STXBP5L: variants seen among roughly 807,000 people sequenced by gnomAD.
STXBP5L encodes the protein syntaxin-binding protein 5-like.
A neutral mutation model predicts 144.5 loss-of-function variants in STXBP5L; 65 were observed. The ratio of observed to expected loss-of-function variants is 0.45; its 90% CI spans 0.37 to 0.55. STXBP5L has a LOEUF of 0.55. Among genes scored for constraint, STXBP5L ranks in the 20% least tolerant of loss-of-function variants. The probability of loss-of-function intolerance (pLI) is 0.00; values close to 1 mark genes in which losing one functional copy is unlikely to be tolerated. For missense variants in STXBP5L, 1,298 were observed against 1,405.5 expected, an observed-to-expected ratio of 0.92 and a Z score of 1.22; for synonymous variants, 505 against 469.6, an observed-to-expected ratio of 1.08 and a Z score of -0.97.
At chr3:121,124,087 A>C (rs2044597927) in intron 7 of STXBP5L, among the ~76,000 whole-genome samples, 1 of 151,920 alleles carries the variant, frequency 6.6e-6, no homozygotes, top group Non-Finnish European at 1.5e-5. Context: ...TTTATTGTAT[A>C]GTGAATCTAT....
chr3:120,988,238 A>G (rs1942494304), intron 3 of STXBP5L, among the ~76,000 whole-genome samples: 2 of 150,898 alleles, frequency 1.3e-5, no homozygotes, highest in Non-Finnish European at 3.0e-5. Flanking sequence ...GTCTTTTGTA[A>G]GGTTTTACTA....
chr3:120,985,287 GC>G (rs1414532374), intron 3 of STXBP5L, among the ~76,000 whole-genome samples: 1 of 151,922 alleles, frequency 6.6e-6, no homozygotes, highest in Non-Finnish European at 1.5e-5. Context: ...AGCCATGGGG[GC>G]TTTTCTTTGT....
chr3:121,064,303 A>C (rs114656572), intron 5 of STXBP5L, among the ~76,000 whole-genome samples: 15,072 of 152,176 alleles, frequency 0.099, 1,156 homozygotes, highest in Admixed American at 0.2. Flanking sequence ...GGTCTGCACC[A>C]ACTATCTAAC....
At chr3:120,997,106 G>A (rs144651988) in intron 3 of STXBP5L, among the ~76,000 whole-genome samples, 17 of 151,090 alleles carry the variant, frequency 1.1e-4, no homozygotes, top group South Asian at 2.1e-4. Context: ...CTCCATCCAT[G>A]TTACTGCAAA....
chr3:121,040,540 ATTCC>A (rs1225247357), intron 3 of STXBP5L, among the ~76,000 whole-genome samples: 30 of 150,282 alleles, frequency 2.0e-4, no homozygotes, highest in Non-Finnish European at 1.0e-4. Flanking sequence ...CTTCAAACTT[ATTCC>A]TTCCTTAGTA....
At chr3:120,979,230 C>T (rs550074309) in intron 3 of STXBP5L, among the ~76,000 whole-genome samples, 21 of 152,338 alleles carry the variant, frequency 1.4e-4, no homozygotes, top group African/African-American at 4.8e-4. Context: ...GCTTTGTTTA[C>T]CTAAGCAAGC....
chr3:120,991,101 C>T (rs908845331), intron 3 of STXBP5L, among the ~76,000 whole-genome samples: 7 of 151,956 alleles, frequency 4.6e-5, no homozygotes, highest in Non-Finnish European at 8.8e-5. Flanking sequence ...GGCTAATATC[C>T]AGAATCTACA....
chr3:121,263,528 T>C (rs539425798), intron 18 of STXBP5L, among the ~76,000 whole-genome samples: 15 of 152,188 alleles, frequency 9.9e-5, no homozygotes, highest in African/African-American at 2.9e-4. Context: ...TCCTCTGAGC[T>C]AAAGGAGCAT....
intron 3 of STXBP5L, among the ~76,000 whole-genome samples, chr3:121,031,234 G>A (rs1249653062): frequency 6.6e-6 from 1 of 152,032 alleles, no homozygotes; most frequent in South Asian, 2.1e-4. Context: ...AGATGACTGA[G>A]GATGCATTGT....
chr3:121,121,585 G>A (rs901008590), intron 6 of STXBP5L, 56 bp from the exon 7 acceptor site: 7 of 1,257,048 alleles, frequency 5.6e-6, no homozygotes, highest in Middle Eastern at 1.9e-4. Flanking sequence ...TCAGTCTCTA[G>A]TGGTAAGGTA....
intron 9 of STXBP5L, among the ~76,000 whole-genome samples, chr3:121,197,537 G>A (rs1472427869): frequency 6.6e-6 from 1 of 152,036 alleles, no homozygotes; most frequent in African/African-American, 2.4e-5. Context: ...GGCAGAATGT[G>A]TAGGTTTGTT....
At chr3:121,324,134 T>C (rs997567116) in intron 20 of STXBP5L, among the ~76,000 whole-genome samples, 1 of 152,164 alleles carries the variant, frequency 6.6e-6, no homozygotes, top group African/African-American at 2.4e-5. Flanking sequence ...AAGGCTAGGA[T>C]GATAGAAATA....
At chr3:120,994,237 G>GTTT in intron 3 of STXBP5L, among the ~76,000 whole-genome samples, 1 of 151,960 alleles carries the variant, frequency 6.6e-6, no homozygotes, top group African/African-American at 2.4e-5. Flanking sequence ...TTCTGCAAAG[G>GTTT]GACAGTTTGA....
intron 7 of STXBP5L, among the ~76,000 whole-genome samples, chr3:121,144,272 A>G (rs150717527): frequency 1.3e-5 from 2 of 151,924 alleles, no homozygotes; most frequent in African/African-American, 4.8e-5. Context: ...GTTTTGGTAT[A>G]CTATTGAACT....
At chr3:121,194,577 C>G (rs1043758564) in intron 9 of STXBP5L, among the ~76,000 whole-genome samples, 1 of 151,748 alleles carries the variant, frequency 6.6e-6, no homozygotes, top group Non-Finnish European at 1.5e-5. Context: ...AAGAAGTGGC[C>G]TCATAGAATG....
intron 3 of STXBP5L, among the ~76,000 whole-genome samples, chr3:120,999,752 T>C (rs1943625372): frequency 2.6e-5 from 4 of 152,318 alleles, no homozygotes; most frequent in Admixed American, 2.6e-4. Flanking sequence ...TAAAGAGCTC[T>C]TGTAAGGCAG....
chr3:121,343,522 C>T (rs1163438922), intron 20 of STXBP5L, among the ~76,000 whole-genome samples: 1 of 152,092 alleles, frequency 6.6e-6, no homozygotes, highest in Non-Finnish European at 1.5e-5. Context: ...CCAAAATCTC[C>T]TTAAGCTGAT....
chr3:121,151,979 G>T (rs1488067416), intron 7 of STXBP5L, among the ~76,000 whole-genome samples: 1 of 151,708 alleles, frequency 6.6e-6, no homozygotes, highest in Non-Finnish European at 1.5e-5. Context: ...TTAATGACGT[G>T]AATCTCTAGA....
chr3:121,004,267 T>A (rs1183399898), intron 3 of STXBP5L, among the ~76,000 whole-genome samples: 2 of 151,644 alleles, frequency 1.3e-5, no homozygotes, highest in African/African-American at 2.4e-5. Context: ...GTCCTTCACA[T>A]CCCTTGTAAG....
Sources: allele counts gnomAD v4.1 joint callset (sites outside exome capture counted in the v4.1 genomes callset), GRCh38; gene constraint gnomAD v4.1.1; transcripts MANE v1.5; gene names NCBI Gene and HGNC (gene_info 2026-07-23, HGNC 2026-07-21).